R3HDM2: variants seen among roughly 807,000 people sequenced by gnomAD.
R3HDM2 encodes R3H domain-containing protein 2.
In R3HDM2, 38 loss-of-function variants were observed where a neutral mutation model predicts 124.5. The ratio of observed to expected loss-of-function variants is 0.31; its 90% CI spans 0.24 to 0.40. The LOEUF (loss-of-function observed/expected upper bound fraction) is 0.40, where lower values mean the gene tolerates loss of function less well. Ranked by LOEUF, R3HDM2 falls within the 10% of genes least tolerant of loss-of-function variation. R3HDM2 has a pLI of 1.00. For synonymous variants in R3HDM2, 391 were observed against 448.0 expected, an observed-to-expected ratio of 0.87 and a Z score of 1.61; for missense variants, 869 against 1,236.9, an observed-to-expected ratio of 0.70 and a Z score of 4.46.
intron 2 of R3HDM2, among the ~76,000 whole-genome samples, chr12:57,320,811 G>A (rs1023471374): frequency 1.3e-5 from 2 of 152,054 alleles, no homozygotes; most frequent in Admixed American, 6.6e-5. Context: ...TGAGCCAAAA[G>A]GAATATGTTA....
At chr12:57,295,544 C>A in intron 9 of R3HDM2, 37 bp from the exon 10 acceptor site, 1 of 1,456,930 alleles carries the variant, frequency 6.9e-7, no homozygotes, top group Non-Finnish European at 9.4e-7. Context: ...GAAAGGAGGA[C>A]AAAGACCGTT....
chr12:57,264,786 G>T (rs1212888163), intron 19 of R3HDM2, among the ~76,000 whole-genome samples: 1 of 151,994 alleles, frequency 6.6e-6, no homozygotes, highest in Non-Finnish European at 1.5e-5. Flanking sequence ...AAAAGCACAT[G>T]CCACCATGCC....
At position 57,418,314 on chromosome 12, in the gene R3HDM2, G is replaced by A. The variant is rs142761873; in HGVS notation, c.-106+12406C>T. 4.5e-4 allele frequency: 447 copies of A among 985,194 alleles called. No individual in the cohort carries two copies. In the Middle Eastern group the frequency reaches 4.7e-3, roughly 10 times the overall value. 61.0% of individuals were successfully genotyped at this position (985,194 alleles called of 1,614,324 possible). Reference sequence around the variant, plus strand: ...TCTCCTCTATTCTCATTACTTCTGCGCAGAACATTTAGTTAACGGGGCAAG... The same window carrying A: ...TCTCCTCTATTCTCATTACTTCTGCACAGAACATTTAGTTAACGGGGCAAG... On this transcript the variant is annotated intron_variant, in intron 1 of 23. Transcript: ENST00000402412.
chr12:57,320,079 T>TTTAGTA (rs2056076693), intron 2 of R3HDM2, among the ~76,000 whole-genome samples: 1 of 151,538 alleles, frequency 6.6e-6, no homozygotes, highest in Non-Finnish European at 1.5e-5. Flanking sequence ...GCCAACACGG[T>TTTAGTA]GAAACCCCGT....
At chr12:57,370,924 T>C (rs761002072) in intron 2 of R3HDM2, among the ~76,000 whole-genome samples, 34 of 151,784 alleles carry the variant, frequency 2.2e-4, no homozygotes, top group Non-Finnish European at 2.9e-4. Context: ...GGGGAATGAA[T>C]GGAATGATAA....
chr12:57,309,428 C>T (rs1461495242), intron 3 of R3HDM2, among the ~76,000 whole-genome samples: 2 of 152,178 alleles, frequency 1.3e-5, no homozygotes, highest in African/African-American at 4.8e-5. Context: ...AAGAAGAACC[C>T]CACAAGGAAG....
In R3HDM2 at chr12:57,295,477, C is replaced by A; in HGVS notation, c.732G>T (p.Lys244Asn). The A allele has an allele frequency of 1.3e-6, 2 of 1,551,540 alleles. No homozygotes were observed. The highest frequency in any genetic ancestry group is 1.7e-6 in the Non-Finnish European group (2 of 1,146,858). The change falls in exon 10 of 24, where the codon AAG (lysine) becomes AAT (asparagine). Residue 244 changes from lysine to asparagine, a missense_variant. Lys to Asn is a moderately conservative substitution (Grantham distance 94). Coordinates refer to ENST00000402412, the MANE Select transcript of R3HDM2 (RefSeq NM_001394031.1). The part of the protein sequence containing the change: ...IPEQRFSEHI[K>N]DEKNTEFQQR... ...GTTGAAATTCTGTATTCTTCTCATC[C>A]TTTATATGTTCTGAGAACCTCTGTT...
At chr12:57,278,306 G>A (rs1272612697) in intron 14 of R3HDM2, among the ~76,000 whole-genome samples, 3 of 152,144 alleles carry the variant, frequency 2.0e-5, no homozygotes, top group Admixed American at 6.5e-5. Context: ...GAAGATTGGG[G>A]TTTAGGGCCA....
intron 2 of R3HDM2, among the ~76,000 whole-genome samples, chr12:57,386,260 T>C (rs1319441156): frequency 6.6e-6 from 1 of 152,162 alleles, no homozygotes; most frequent in East Asian, 1.9e-4. Context: ...AGCTCCTTCC[T>C]GGGCTCGCCG....
chr12:57,324,284 A>G lies in R3HDM2; in HGVS notation c.-35-13821T>C, dbSNP rs967070196. Among the ~76,000 whole-genome samples the G allele has an allele frequency of 8.5e-5, 13 of 152,274 alleles. No homozygotes were observed. The East Asian group carries it at 2.5e-3, about 29-fold the overall frequency. ...CTGCAATCTCCATCTCCTGGGTTCA[A>G]GCAATTCTCCTGCCTCAGCCTCCCC... On this transcript the variant is annotated intron_variant, in intron 2 of 23. Transcript: ENST00000402412.
intron 1 of R3HDM2, among the ~76,000 whole-genome samples, chr12:57,397,903 G>A (rs1221554324): frequency 1.3e-5 from 2 of 152,170 alleles, no homozygotes; most frequent in Non-Finnish European, 2.9e-5. Context: ...AATACTGTGG[G>A]CCGGGCACAG....
chr12:57,399,262 C>A (rs1157641679), intron 1 of R3HDM2, among the ~76,000 whole-genome samples: 1 of 151,934 alleles, frequency 6.6e-6, no homozygotes, highest in Admixed American at 6.6e-5. Context: ...ATTAGCGGGG[C>A]ATGGTGGCGT....
At chr12:57,273,724 GA>G (rs1268092613) in intron 14 of R3HDM2, among the ~76,000 whole-genome samples, 1 of 152,178 alleles carries the variant, frequency 6.6e-6, no homozygotes, top group East Asian at 1.9e-4. Flanking sequence ...AAGTCAAGGA[GA>G]ATTATCCAAG....
intron 2 of R3HDM2, among the ~76,000 whole-genome samples, chr12:57,356,814 T>A (rs1188614457): frequency 1.3e-5 from 2 of 152,234 alleles, no homozygotes; most frequent in Non-Finnish European, 2.9e-5. Flanking sequence ...CCATTTAATA[T>A]AAACAGTAAA....
intron 2 of R3HDM2, among the ~76,000 whole-genome samples, chr12:57,387,929 T>C (rs2066084751): frequency 6.6e-6 from 1 of 151,392 alleles, no homozygotes; most frequent in Non-Finnish European, 1.5e-5. Flanking sequence ...AAGAAAAGGC[T>C]AGAAGAGAAG....
intron 2 of R3HDM2, among the ~76,000 whole-genome samples, chr12:57,336,072 A>G (rs1270010789): frequency 2.0e-5 from 3 of 151,818 alleles, no homozygotes; most frequent in Non-Finnish European, 4.4e-5. Flanking sequence ...ATCTAATGGT[A>G]TCTCATTGTG....
chr12:57,292,765 C>A, intron 10 of R3HDM2, 98 bp from the exon 11 acceptor site: 1 of 773,744 alleles, frequency 1.3e-6, no homozygotes, highest in Non-Finnish European at 2.1e-6. Context: ...TTTATAGTTG[C>A]CATCAAAAAA....
chr12:57,256,329 T>A, intron 22 of R3HDM2, 85 bp downstream of exon 22: 1 of 1,184,328 alleles, frequency 8.4e-7, no homozygotes, highest in Non-Finnish European at 1.2e-6. Context: ...TTCCCTTGTA[T>A]ACCCAGCTGG....
At chr12:57,365,848 A>C (rs972610350) in intron 2 of R3HDM2, among the ~76,000 whole-genome samples, 17 of 151,888 alleles carry the variant, frequency 1.1e-4, no homozygotes, top group African/African-American at 4.1e-4. Context: ...AGGCAGGAGA[A>C]CTGCTTGAAC....
Sources: allele counts gnomAD v4.1 joint callset (sites outside exome capture counted in the v4.1 genomes callset), GRCh38; gene constraint gnomAD v4.1.1; transcripts MANE v1.5; gene names NCBI Gene and HGNC (gene_info 2026-07-23, HGNC 2026-07-21).